The following ZNF675 variants were observed in gnomAD, a reference collection of about 807,000 sequenced individuals.
ZNF675 encodes zinc finger protein 675.
Under a neutral mutation model 56.1 loss-of-function variants are expected in ZNF675, and 36 were observed. That is an observed-to-expected ratio of 0.64 (90% CI 0.49 to 0.85). The LOEUF is 0.85. Among genes scored for constraint, ZNF675 ranks in the 40% least tolerant of loss-of-function variants. ZNF675 has a pLI of 0.00. For missense variants in ZNF675, 663 were observed against 654.2 expected (o/e 1.01, Z -0.15); for synonymous variants, 200 against 218.9 (o/e 0.91, Z 0.76).
rs992475077 is a variant in ZNF675, at chr19:23,653,378, G to A, written c.1555C>T (p.Arg519Ter). 1.7e-5 allele frequency: 28 copies of A among 1,613,344 alleles called. No individual in the cohort carries two copies. The highest frequency in any genetic ancestry group is 2.2e-5 in the Non-Finnish European group (26 of 1,179,972). The change falls in exon 4 of 4, where the codon CGA becomes TGA. Residue 519 changes from arginine to a stop codon, truncating the protein, a stop_gained. Transcript: ENST00000359788. LOFTEE classifies it high-confidence loss of function. ...KCEECGKAFS[R>*]SSKLTEHKII... is the part of the protein sequence containing the mutation. Reference sequence around the variant, plus strand: ...TTATGTTCAGTAAGTTTTGAGGATCGGCTAAAAGCTTTGCCACATTCTTCA... The same window carrying A: ...TTATGTTCAGTAAGTTTTGAGGATCAGCTAAAAGCTTTGCCACATTCTTCA...
chr19:23,684,558 C>T (rs780547909), intron 1 of ZNF675, among the ~76,000 whole-genome samples: 47 of 151,776 alleles, frequency 3.1e-4, no homozygotes, highest in African/African-American at 4.8e-4. Flanking sequence ...GCAGGAGAAT[C>T]GCTTGAACCT....
intron 1 of ZNF675, among the ~76,000 whole-genome samples, chr19:23,679,712 A>G (rs7255355): frequency 0.97 from 146,455 of 150,930 alleles, 71,364 homozygotes; most frequent in Middle Eastern, 1. Flanking sequence ...GCCAGGCACC[A>G]CAACCTACTT....
At position 23,675,130 on chromosome 19, in the gene ZNF675, C is replaced by T. The variant is rs187149000; in HGVS notation, c.3+11901G>A. 2.0e-5 allele frequency among the ~76,000 whole-genome samples: 3 copies of T among 151,804 alleles called. No individual in the cohort carries two copies. In the East Asian group the frequency reaches 5.8e-4, roughly 29 times the overall value. On this transcript the variant is annotated intron_variant, in intron 1 of 3. Transcript: ENST00000359788. ...AGTAGCATTGGGCACACAGTATTCA[C>T]TTGAAAGAATGTTTATGGGGAAAAA...
intron 1 of ZNF675, among the ~76,000 whole-genome samples, chr19:23,672,459 C>T (rs916083347): frequency 2.6e-5 from 4 of 152,126 alleles, no homozygotes; most frequent in African/African-American, 4.8e-5. Flanking sequence ...AAAACCCGCA[C>T]CCTCAAAAAG....
At chr19:23,666,776 T>TTCTCTTTCTC (rs71165860) in intron 1 of ZNF675, among the ~76,000 whole-genome samples, 1 of 114,788 alleles carries the variant, frequency 8.7e-6, no homozygotes, top group Non-Finnish European at 2.1e-5. Flanking sequence ...TTCTCTCTTT[T>TTCTCTTTCTC]TCTCTTTCTC....
intron 1 of ZNF675, chr19:23,686,247 C>T (rs1250562959): frequency 2.6e-5 from 4 of 152,162 alleles, no homozygotes; most frequent in African/African-American, 4.8e-5. Context: ...GAATGCTCCA[C>T]AATTTTTGAA....
In ZNF675 at chr19:23,653,933, G is replaced by C. The variant is rs201694820; in HGVS notation, c.1000C>G (p.His334Asp). 6.2e-6 allele frequency: 10 copies of C among 1,613,288 alleles called. No individual in the cohort carries two copies. The highest frequency in any genetic ancestry group is 8.5e-6 in the Non-Finnish European group (10 of 1,179,564). The change falls in exon 4 of 4, where the codon CAT becomes GAT. Residue 334 changes from histidine (H) to aspartate (D), a missense_variant. By Grantham distance (81) the His-to-Asp change is moderately conservative. Around this residue, in one of 3 missense-constraint regions of ZNF675, gnomAD observed 617 missense variants for 590.5 expected, o/e 1.04. Transcript: ENST00000359788. The stretch of plus-strand genomic sequence containing the variant: ...CATTTGTAGGGTTTTTCTCCAGTAT[G>C]AATTCTCTTATGTGTAGTAAGGGTT... ...SSTLTTHKRI[H>D]TGEKPYKCEE...
rs969588092 is a variant in ZNF675 at position 23,678,189 on chromosome 19, C to T, written c.3+8842G>A. On this transcript the variant is annotated intron_variant, in intron 1 of 3. Coordinates refer to ENST00000359788, the MANE Select transcript of ZNF675 (RefSeq NM_138330.3). ...TTTTGTGCTCATTGATAGAAAAGTT[C>T]GGTATTAATATGGCCATACCACCAA... Among the ~76,000 whole-genome samples, 8 of 151,050 alleles carry T rather than the reference C, an allele frequency of 5.3e-5. 1 individual carries two copies. Among genetic ancestry groups the T allele is most frequent in the East Asian group, 3.9e-4 (2 of 5,190 alleles).
At chr19:23,668,089 C>T (rs2144936453) in intron 1 of ZNF675, among the ~76,000 whole-genome samples, 1 of 150,000 alleles carries the variant, frequency 6.7e-6, no homozygotes, top group African/African-American at 2.5e-5. Flanking sequence ...AAGGCCCCAC[C>T]AGAGCAGCTA....
At chr19:23,659,484 T>G (rs915052812) in intron 3 of ZNF675, among the ~76,000 whole-genome samples, 1 of 152,112 alleles carries the variant, frequency 6.6e-6, no homozygotes, top group Non-Finnish European at 1.5e-5. Context: ...GTTTAGAGAA[T>G]TGCTTCAGGT....
At chr19:23,654,864 C>CTT in intron 3 of ZNF675, 158 bp from the exon 4 acceptor site, 1 of 322,914 alleles carries the variant, frequency 3.1e-6, no homozygotes, top group Non-Finnish European at 4.8e-6. Context: ...CAAAGAGCCA[C>CTT]ATAGAAAAAA....
rs1020801390 is a variant in ZNF675, at chr19:23,654,471, A to G, written c.462T>C (p.Asn154=). The stretch of plus-strand genomic sequence containing the variant: ...TATGTCTATCTGAATGTGAAAATTT[A>G]TTAAAGACTTTCACATATTTATCAC... ...FQCDKYVKVF[N]KFSHSDRHKI... The change falls in exon 4 of 4, where the codon AAT becomes AAC. Residue 154 remains asparagine, a synonymous_variant. Coordinates refer to ENST00000359788, the MANE Select transcript of ZNF675 (RefSeq NM_138330.3). 2 of 1,601,638 alleles carry G rather than the reference A, an allele frequency of 1.2e-6. No individual in the cohort carries two copies. The highest frequency in any genetic ancestry group is 1.7e-6 in the Non-Finnish European group (2 of 1,175,428).
At chr19:23,681,925 T>C (rs1216773725) in intron 1 of ZNF675, among the ~76,000 whole-genome samples, 1 of 151,788 alleles carries the variant, frequency 6.6e-6, no homozygotes, top group Non-Finnish European at 1.5e-5. Flanking sequence ...TAGATAATCC[T>C]GGTAAAGAGC....
At chr19:23,671,148 C>T (rs934680901) in intron 1 of ZNF675, among the ~76,000 whole-genome samples, 5 of 152,162 alleles carry the variant, frequency 3.3e-5, no homozygotes, top group African/African-American at 1.2e-4. Context: ...ATATACTAAT[C>T]TAGTCCCTTC....
intron 1 of ZNF675, among the ~76,000 whole-genome samples, chr19:23,671,977 C>T (rs1968232303): frequency 1.3e-5 from 2 of 152,024 alleles, no homozygotes; most frequent in South Asian, 4.2e-4. Context: ...CTCATGTCAG[C>T]CTTACACAAT....
rs751030098 is a variant in ZNF675 at position 23,654,332 on chromosome 19, T to C, written c.601A>G (p.Lys201Glu). 1 of 1,611,700 alleles carries C rather than the reference T, an allele frequency of 6.2e-7. No individual in the cohort carries two copies. Among genetic ancestry groups the C allele is most frequent in the Non-Finnish European group, 8.5e-7 (1 of 1,179,274 alleles). ...ERNYTKVNFC[K>E]CEECEKAVNQ... is the part of the protein sequence containing the mutation. ...ACAGCTTTTTCACATTCTTCACATTTGCAGAAATTCACCTTGGTATAATTT... is the reference window on the plus strand; with the variant it reads ...ACAGCTTTTTCACATTCTTCACATTCGCAGAAATTCACCTTGGTATAATTT... The change falls in exon 4 of 4, where the codon AAA (lysine) becomes GAA (glutamate). Residue 201 changes from lysine to glutamate, a missense_variant. By Grantham distance (56) the Lys-to-Glu change is moderately conservative (BLOSUM62 1). This residue lies in a region of ZNF675 where 617 missense variants were observed against 590.5 expected (regional missense o/e 1.04). Coordinates refer to ENST00000359788, the MANE Select transcript of ZNF675 (RefSeq NM_138330.3).
chr19:23,680,079 C>T (rs1263541425), intron 1 of ZNF675, among the ~76,000 whole-genome samples: 2 of 150,414 alleles, frequency 1.3e-5, no homozygotes, highest in East Asian at 2.0e-4. Context: ...GAGGCCTAGG[C>T]GGGCAGATCA....
At chr19:23,657,394 T>C (rs977353380) in intron 3 of ZNF675, among the ~76,000 whole-genome samples, 2 of 152,200 alleles carry the variant, frequency 1.3e-5, no homozygotes, top group Non-Finnish European at 2.9e-5. Flanking sequence ...AAAAGAAATA[T>C]ATATTTATTA....
intron 1 of ZNF675, among the ~76,000 whole-genome samples, chr19:23,667,187 G>T (rs4932885): frequency 0.97 from 147,303 of 151,654 alleles, 71,699 homozygotes; most frequent in Middle Eastern, 1. Context: ...CAGTGCATCT[G>T]GAGTTGTTTG....
Sources: allele counts gnomAD v4.1 joint callset (sites outside exome capture counted in the v4.1 genomes callset), GRCh38; gene constraint gnomAD v4.1.1; regional missense constraint gnomAD v4.1.1; transcripts MANE v1.5; gene names NCBI Gene and HGNC (gene_info 2026-07-23, HGNC 2026-07-21).